The following GNAL variants were observed in gnomAD, a reference collection of about 807,000 sequenced individuals.
GNAL encodes the protein guanine nucleotide-binding protein G(olf) subunit alpha.
Under a neutral mutation model 55.1 loss-of-function variants are expected in GNAL, and 18 were observed. That is an observed-to-expected ratio of 0.33 (90% confidence interval 0.23 to 0.48). The LOEUF (loss-of-function observed/expected upper bound fraction) is 0.48, where lower values mean the gene tolerates loss of function less well. Ranked by LOEUF, GNAL falls within the 20% of genes least tolerant of loss-of-function variation. The pLI, the probability that GNAL is intolerant of heterozygous loss-of-function variation, is 0.99. For synonymous variants in GNAL, 253 were observed against 237.0 expected, an observed-to-expected ratio of 1.07 and a Z score of -0.62; for missense variants, 412 against 614.1, an observed-to-expected ratio of 0.67 and a Z score of 3.48.
chr18:11,727,314 G>C (rs1175419100), intron 1 of GNAL, among the ~76,000 whole-genome samples: 1 of 152,182 alleles, frequency 6.6e-6, no homozygotes, highest in African/African-American at 2.4e-5. Flanking sequence ...CCTGCCTTGT[G>C]GGGTAGCAGC....
At chr18:11,759,201 A>AAAG (rs1226820172) in intron 4 of GNAL, among the ~76,000 whole-genome samples, 1 of 152,182 alleles carries the variant, frequency 6.6e-6, no homozygotes, top group Non-Finnish European at 1.5e-5. Context: ...AGAAAAGAAA[A>AAAG]AAGAAGAAAA....
intron 5 of GNAL, among the ~76,000 whole-genome samples, chr18:11,828,559 G>A (rs370506559): frequency 2.0e-5 from 3 of 152,050 alleles, no homozygotes; most frequent in Non-Finnish European, 2.9e-5. Flanking sequence ...TGGAATATGC[G>A]TTCTATCATC....
At chr18:11,817,910 C>T (rs888987013) in intron 4 of GNAL, among the ~76,000 whole-genome samples, 24 of 149,948 alleles carry the variant, frequency 1.6e-4, no homozygotes, top group Non-Finnish European at 2.2e-4. Flanking sequence ...TTTTTTTTAA[C>T]GTGGTTTCTG....
intron 1 of GNAL, among the ~76,000 whole-genome samples, chr18:11,749,256 G>C (rs1165655529): frequency 6.6e-6 from 1 of 151,744 alleles, no homozygotes; most frequent in Admixed American, 6.6e-5. Context: ...TGTGGAAACT[G>C]TGCTAAACAG....
At chr18:11,849,523 AAAG>A (rs2035810350) in intron 5 of GNAL, among the ~76,000 whole-genome samples, 1 of 148,804 alleles carries the variant, frequency 6.7e-6, no homozygotes, top group African/African-American at 2.5e-5. Flanking sequence ...AAAAAAAAAG[AAAG>A]AAAAGAAAAA....
At chr18:11,710,853 A>G (rs751544567) in intron 1 of GNAL, among the ~76,000 whole-genome samples, 4 of 151,764 alleles carry the variant, frequency 2.6e-5, no homozygotes, top group African/African-American at 7.3e-5. Flanking sequence ...TTTGATTACA[A>G]TGTCTCAGTA....
At chr18:11,741,267 C>T (rs1276489203) in intron 1 of GNAL, among the ~76,000 whole-genome samples, 3 of 152,180 alleles carry the variant, frequency 2.0e-5, no homozygotes, top group African/African-American at 7.2e-5. Flanking sequence ...TGGAATCCAA[C>T]AGAACAGACC....
chr18:11,732,083 G>T (rs1437871197), intron 1 of GNAL, among the ~76,000 whole-genome samples: 1 of 152,052 alleles, frequency 6.6e-6, no homozygotes, highest in Non-Finnish European at 1.5e-5. Context: ...ATTTATCATT[G>T]GTGGACATTT....
At chr18:11,824,399 G>A (rs913665704) in intron 4 of GNAL, among the ~76,000 whole-genome samples, 24 of 152,166 alleles carry the variant, frequency 1.6e-4, no homozygotes, top group Middle Eastern at 3.4e-3. Context: ...ATGATAAAAC[G>A]ATTTTGGGCC....
intron 1 of GNAL, among the ~76,000 whole-genome samples, chr18:11,731,747 C>G (rs2032344889): frequency 6.6e-6 from 1 of 152,162 alleles, no homozygotes; most frequent in Non-Finnish European, 1.5e-5. Context: ...ACCATCACCA[C>G]CGTCCTTGGG....
intron 1 of GNAL, among the ~76,000 whole-genome samples, chr18:11,697,635 G>A (rs994906961): frequency 6.6e-5 from 10 of 152,124 alleles, no homozygotes; most frequent in Admixed American, 4.6e-4. Context: ...AGGGGCAGAC[G>A]TGTCTGTGGG....
At chr18:11,853,004 C>T (rs2035917219) in intron 5 of GNAL, 1 of 167,080 alleles carries the variant, frequency 6.0e-6, no homozygotes, top group Non-Finnish European at 1.5e-5. Flanking sequence ...AGTCATGTTA[C>T]ACACTCTTAA....
chr18:11,692,474 C>T (rs1421143894), intron 1 of GNAL, among the ~76,000 whole-genome samples: 2 of 152,180 alleles, frequency 1.3e-5, no homozygotes, highest in Non-Finnish European at 2.9e-5. Context: ...GCAGAGCACA[C>T]GTTTCCAGAG....
At chr18:11,809,945 C>T (rs961579401) in intron 4 of GNAL, among the ~76,000 whole-genome samples, 1 of 152,218 alleles carries the variant, frequency 6.6e-6, no homozygotes, top group Non-Finnish European at 1.5e-5. Flanking sequence ...CAGAGGGGCT[C>T]AGTGGCTGCC....
intron 4 of GNAL, among the ~76,000 whole-genome samples, chr18:11,816,562 G>A (rs1005792504): frequency 7.2e-5 from 11 of 152,092 alleles, no homozygotes; most frequent in African/African-American, 2.4e-4. Flanking sequence ...CCAAAGTGCT[G>A]GGATTATAGG....
chr18:11,880,833 G>C (rs577341107), intron 11 of GNAL, among the ~76,000 whole-genome samples, 156 bp from the exon 12 acceptor site: 1 of 152,270 alleles, frequency 6.6e-6, no homozygotes, highest in East Asian at 1.9e-4. Context: ...CTCGGCCGAT[G>C]CTTGCATTGA....
intron 2 of GNAL, among the ~76,000 whole-genome samples, chr18:11,753,369 TC>T (rs544538470): frequency 7.7e-4 from 118 of 152,372 alleles, no homozygotes; most frequent in South Asian, 3.5e-3. Context: ...GCCTAGTTTT[TC>T]TGTAACCTGC....
chr18:11,727,854 A>G (rs2032247367), intron 1 of GNAL, among the ~76,000 whole-genome samples: 1 of 152,154 alleles, frequency 6.6e-6, no homozygotes, highest in Non-Finnish European at 1.5e-5. Flanking sequence ...ATTTTAACCT[A>G]TGGAGTGTGG....
intron 1 of GNAL, among the ~76,000 whole-genome samples, chr18:11,735,260 A>G (rs1213067281): frequency 6.6e-6 from 1 of 151,826 alleles, no homozygotes; most frequent in Non-Finnish European, 1.5e-5. Flanking sequence ...CATGTTGACC[A>G]GGCTGGTCTT....
Sources: allele counts gnomAD v4.1 joint callset (sites outside exome capture counted in the v4.1 genomes callset), GRCh38; gene constraint gnomAD v4.1.1; transcripts MANE v1.5; gene names NCBI Gene and HGNC (gene_info 2026-07-23, HGNC 2026-07-21).